DLEU7: variants seen among roughly 807,000 people sequenced by gnomAD.
DLEU7 encodes deleted in lymphocytic leukemia 7.
A neutral mutation model predicts 16.0 loss-of-function variants in DLEU7; 17 were observed. That is an observed-to-expected ratio of 1.06 (90% CI 0.73 to 1.59). The LOEUF (loss-of-function observed/expected upper bound fraction) is 1.59, where lower values mean the gene tolerates loss of function less well. Ranked by LOEUF, DLEU7 falls within the 40% of genes most tolerant of loss-of-function variation. The pLI is 0.00. For missense variants in DLEU7, 308 were observed against 314.9 expected (o/e 0.98, Z 0.17); for synonymous variants, 113 against 139.8 (o/e 0.81, Z 1.35).
intron 1 of DLEU7, among the ~76,000 whole-genome samples, chr13:50,828,929 T>C (rs139967487): frequency 1.4e-3 from 212 of 152,316 alleles, no homozygotes; most frequent in African/African-American, 4.9e-3. Context: ...CTTGCTTCCC[T>C]ACCTTTGTGT....
chr13:50,768,449 C>T lies in DLEU7; in HGVS notation c.460-55209G>A, dbSNP rs182373552. On this transcript the variant is annotated intron_variant, in intron 1 of 1. Coordinates refer to the DLEU7 transcript ENST00000400393. Reference sequence around the variant, plus strand: ...ATCCCTCCCCCCTCCCCTCACCCCACGACAGGCCCTGGTGTTGATGTTCCC... The same window carrying T: ...ATCCCTCCCCCCTCCCCTCACCCCATGACAGGCCCTGGTGTTGATGTTCCC... 4.1e-3 allele frequency among the ~76,000 whole-genome samples: 549 copies of T among 132,578 alleles called. 25 individuals are homozygous for T. The South Asian group carries it at 0.096, about 23-fold the overall frequency. The allele number at this position is 132,578 out of a possible 152,430, so 87.0% of individuals were successfully genotyped here. A position where few individuals can be genotyped will look rare whatever the true frequency, so the allele number is the denominator to read the frequency against.
chr13:50,722,538 TA>T (rs1202428201), intron 1 of DLEU7, among the ~76,000 whole-genome samples: 2 of 152,312 alleles, frequency 1.3e-5, no homozygotes, highest in African/African-American at 4.8e-5. Flanking sequence ...TACATTAAAT[TA>T]AAAAAATTCA....
intron 1 of DLEU7, among the ~76,000 whole-genome samples, chr13:50,832,663 A>T (rs1479283598): frequency 6.6e-6 from 1 of 152,194 alleles, no homozygotes; most frequent in African/African-American, 2.4e-5. Context: ...TGCGTCCCAG[A>T]GATTCTGGTA....
intron 1 of DLEU7, among the ~76,000 whole-genome samples, chr13:50,764,478 C>G (rs753449668): frequency 6.6e-6 from 1 of 152,202 alleles, no homozygotes; most frequent in Non-Finnish European, 1.5e-5. Flanking sequence ...CTAGGCTATA[C>G]AGAAAGCTGT....
At chr13:50,828,887 C>G (rs1307432906) in intron 1 of DLEU7, among the ~76,000 whole-genome samples, 1 of 152,150 alleles carries the variant, frequency 6.6e-6, no homozygotes, top group Non-Finnish European at 1.5e-5. Flanking sequence ...CGCAAGCTAC[C>G]ATACTTTTTG....
At chr13:50,810,626 G>A (rs927837934) in intron 1 of DLEU7, among the ~76,000 whole-genome samples, 37 of 152,116 alleles carry the variant, frequency 2.4e-4, no homozygotes, top group Non-Finnish European at 4.4e-4. Context: ...AAAGGCCACC[G>A]GGAATGTCTT....
chr13:50,831,665 A>C lies in DLEU7; in HGVS notation c.460-8145T>G, dbSNP rs534420397. On this transcript the variant is annotated intron_variant, in intron 1 of 1. Coordinates refer to ENST00000504404, the MANE Select transcript of DLEU7 (RefSeq NM_001306135.2). ...GTCTGGCCCACACGCCTGAGCACCT[A>C]CTCAGCACCAGACTGCAAGCTTGAC... 1.4e-4 allele frequency among the ~76,000 whole-genome samples: 22 copies of C among 152,274 alleles called. No individual in the cohort carries two copies. In the South Asian group the frequency reaches 3.9e-3, roughly 27 times the overall value.
At chr13:50,760,246 A>G (rs1007944166) in intron 1 of DLEU7, among the ~76,000 whole-genome samples, 1 of 152,234 alleles carries the variant, frequency 6.6e-6, no homozygotes, top group Non-Finnish European at 1.5e-5. Flanking sequence ...TCCCTTGAAT[A>G]ATATTTGGTC....
chr13:50,773,532 A>G (rs923894652), intron 1 of DLEU7, among the ~76,000 whole-genome samples: 2 of 152,100 alleles, frequency 1.3e-5, no homozygotes, highest in Non-Finnish European at 2.9e-5. Flanking sequence ...ACGTCCCTCA[A>G]CTGCAGGTCT....
At chr13:50,839,225 A>G (rs895505854) in intron 1 of DLEU7, among the ~76,000 whole-genome samples, 1 of 152,246 alleles carries the variant, frequency 6.6e-6, no homozygotes, top group Non-Finnish European at 1.5e-5. Context: ...ATCACTTCTT[A>G]GCTGCAGGGT....
At chr13:50,822,676 A>G, downstream of DLEU7, 1 of 985,298 alleles carries the variant, frequency 1.0e-6, no homozygotes, top group Non-Finnish European at 1.2e-6. Context: ...TACATATCAT[A>G]CATGATTGGT....
At chr13:50,806,736 A>C (rs1566257338) in intron 1 of DLEU7, among the ~76,000 whole-genome samples, 1 of 152,066 alleles carries the variant, frequency 6.6e-6, no homozygotes, top group Non-Finnish European at 1.5e-5. Context: ...TTTGATCTTT[A>C]ATTATGTTTT....
intron 1 of DLEU7, among the ~76,000 whole-genome samples, chr13:50,730,331 T>C (rs186404993): frequency 6.6e-6 from 1 of 152,204 alleles, no homozygotes; most frequent in East Asian, 1.9e-4. Flanking sequence ...ATGGTTGTGG[T>C]AGAGCAGAGG....
Position 50,843,401 on chromosome 13 carries a change from C to G in DLEU7, c.246G>C (p.Arg82=). 1.5e-6 allele frequency: 2 copies of G among 1,319,150 alleles called. No homozygotes were observed. The highest frequency in any genetic ancestry group is 1.9e-6 in the Non-Finnish European group (2 of 1,037,890). 81.7% of individuals were successfully genotyped at this position (1,319,150 alleles called of 1,614,324 possible). A position where few individuals can be genotyped will look rare whatever the true frequency, so the allele number is the denominator to read the frequency against. ...CTACCTCCTCCTCTGGGGAGTTCGC[C>G]CGCGCCGCGGTCCGCCGACTCCTGG... ...VGTRSRRTAA[R]ANSPEEEVVR... The change falls in exon 1 of 2, where the codon CGG becomes CGC. Residue 82 remains arginine (R), a synonymous_variant. Transcript: ENST00000504404. This position sits in a 1 kb window ranked among gnomAD's most constrained non-coding sequence, Gnocchi z 5.7.
At chr13:50,766,613 C>A (rs1444627967) in intron 1 of DLEU7, among the ~76,000 whole-genome samples, 1 of 152,014 alleles carries the variant, frequency 6.6e-6, no homozygotes, top group East Asian at 1.9e-4. Context: ...TGTTCAGCAC[C>A]TTCTCTTTAT....
At chr13:50,823,603 CT>C in intron 1 of DLEU7, 83 bp from the exon 2 acceptor site, 1 of 1,453,438 alleles carries the variant, frequency 6.9e-7, no homozygotes, top group African/African-American at 1.4e-5. Flanking sequence ...AGCTTCCATT[CT>C]TTTCTCTTCT....
chr13:50,839,224 T>C (rs1877570075), intron 1 of DLEU7, among the ~76,000 whole-genome samples: 2 of 152,242 alleles, frequency 1.3e-5, no homozygotes, highest in African/African-American at 4.8e-5. Context: ...CATCACTTCT[T>C]AGCTGCAGGG....
At chr13:50,801,855 A>T (rs1406332378) in intron 1 of DLEU7, among the ~76,000 whole-genome samples, 1 of 152,134 alleles carries the variant, frequency 6.6e-6, no homozygotes, top group African/African-American at 2.4e-5. Context: ...CAATAGATTT[A>T]TTATTACCTT....
chr13:50,790,242 C>T (rs756227631), intron 1 of DLEU7, among the ~76,000 whole-genome samples: 2 of 152,096 alleles, frequency 1.3e-5, no homozygotes, highest in Non-Finnish European at 2.9e-5. Context: ...CTCCCAGAGC[C>T]ATCTTGTCAC....
Sources: allele counts gnomAD v4.1 joint callset (sites outside exome capture counted in the v4.1 genomes callset), GRCh38; gene constraint gnomAD v4.1.1; non-coding constraint Gnocchi (gnomAD v3.1); transcripts MANE v1.5; gene names NCBI Gene and HGNC (gene_info 2026-07-23, HGNC 2026-07-21).